Variants in BSPH1 observed in about 807,000 individuals in gnomAD.
The protein encoded by BSPH1 is binder of sperm 1.
In BSPH1, 21 loss-of-function variants were observed where a neutral mutation model predicts 22.5. That is an observed-to-expected ratio of 0.93 (90% CI 0.66 to 1.35). BSPH1 has a LOEUF of 1.35. Among genes scored for constraint, BSPH1 ranks in the 40% most tolerant of loss-of-function variants. BSPH1 has a pLI of 0.00. For synonymous variants in BSPH1, 42 were observed against 53.6 expected (o/e 0.78, Z 0.95); for missense variants, 141 against 154.2 (o/e 0.91, Z 0.45).
chr19:47,986,751 A>AAAAAT (rs141100552), intron 1 of BSPH1, among the ~76,000 whole-genome samples: 16 of 151,514 alleles, frequency 1.1e-4, no homozygotes, highest in East Asian at 1.9e-4. Context: ...TCTAAAAATA[A>AAAAAT]AATAAAATAA....
chr19:47,990,401 C>T (rs1200801597), intron 1 of BSPH1, among the ~76,000 whole-genome samples: 2 of 151,948 alleles, frequency 1.3e-5, no homozygotes, highest in Non-Finnish European at 2.9e-5. Context: ...AGCGGAGAAG[C>T]TTTAGGATCG....
At chr19:47,975,981 A>G (rs1486454798) in intron 5 of BSPH1, among the ~76,000 whole-genome samples, 1 of 152,108 alleles carries the variant, frequency 6.6e-6, no homozygotes, top group African/African-American at 2.4e-5. Flanking sequence ...AATACACGTT[A>G]TTTTTTAGAG....
chr19:47,976,824 T>C lies in BSPH1; in HGVS notation c.287A>G (p.Tyr96Cys). ...ACACTCCCAGTAGATCAAGCGTCTG[T>C]ACCAGAAGGGAAATACACAGTTTGC... The part of the protein sequence containing the change: ...DFANCVFPFW[Y>C]RRLIYWECTD... The change falls in exon 5 of 6, where the codon TAC (tyrosine) becomes TGC (cysteine). Residue 96 changes from tyrosine (Y) to cysteine (C), a missense_variant. Tyr to Cys is a radical substitution (Grantham distance 194). Transcript: ENST00000344839. 6.4e-7 allele frequency: 1 copy of C among 1,551,686 alleles called. No homozygotes were observed. Among genetic ancestry groups the C allele is most frequent in the Admixed American group, 2.0e-5 (1 of 50,992 alleles).
At chr19:47,969,409 G>C (rs1365394438) in intron 5 of BSPH1, among the ~76,000 whole-genome samples, 1 of 152,074 alleles carries the variant, frequency 6.6e-6, no homozygotes, top group Admixed American at 6.6e-5. Flanking sequence ...TGCTTTTGGG[G>C]TTTAGGAGAT....
At chr19:47,984,740 A>G (rs1184485242) in intron 1 of BSPH1, among the ~76,000 whole-genome samples, 4 of 152,100 alleles carry the variant, frequency 2.6e-5, no homozygotes, top group African/African-American at 7.2e-5. Context: ...GGCACTGGGG[A>G]TTACAAAAGT....
At chr19:47,988,311 C>T (rs1016131891) in intron 1 of BSPH1, among the ~76,000 whole-genome samples, 6 of 152,158 alleles carry the variant, frequency 3.9e-5, no homozygotes, top group Non-Finnish European at 5.9e-5. Flanking sequence ...CTGTTCTGAG[C>T]GTCACGCATG....
intron 5 of BSPH1, 97 bp from the exon 6 acceptor site, chr19:47,968,306 G>A (rs990844252): frequency 1.3e-5 from 2 of 151,714 alleles, no homozygotes; most frequent in Non-Finnish European, 2.9e-5. Context: ...ATCTGATCTG[G>A]AGTCTGTGGA....
rs1969414562 is a variant in BSPH1 at position 47,980,959 on chromosome 19, G to T, written c.74-18C>A. ...TAATTCATCTGAAAAACACAATTTT[G>T]AACAAATATTTATGTCACTTTAAAA... On this transcript the variant is annotated intron_variant, in intron 1 of 5. Transcript: ENST00000344839. 2 of 1,381,232 alleles carry T rather than the reference G, an allele frequency of 1.4e-6. No individual in the cohort carries two copies. The highest frequency in any genetic ancestry group is 9.8e-7 in the Non-Finnish European group (1 of 1,024,252). 85.6% of individuals were successfully genotyped at this position (1,381,232 alleles called of 1,614,324 possible).
intron 5 of BSPH1, among the ~76,000 whole-genome samples, chr19:47,974,421 C>T (rs1028477248): frequency 3.3e-5 from 5 of 151,934 alleles, no homozygotes; most frequent in African/African-American, 1.2e-4. Context: ...AGGTGCCGGC[C>T]ACCACGCCTG....
At chr19:47,971,002 T>C (rs1442755249) in intron 5 of BSPH1, among the ~76,000 whole-genome samples, 1 of 152,072 alleles carries the variant, frequency 6.6e-6, no homozygotes, top group Non-Finnish European at 1.5e-5. Context: ...TGCAGCAGCA[T>C]TGTGAATAGC....
chr19:47,986,532 A>G (rs2122262923), intron 1 of BSPH1, among the ~76,000 whole-genome samples: 1 of 152,208 alleles, frequency 6.6e-6, no homozygotes, highest in South Asian at 2.1e-4. Flanking sequence ...TGAACCCAGG[A>G]GTTCGAGACC....
intron 5 of BSPH1, among the ~76,000 whole-genome samples, chr19:47,974,499 A>G (rs565024712): frequency 5.3e-4 from 80 of 151,436 alleles, no homozygotes; most frequent in African/African-American, 1.9e-3. Flanking sequence ...CAAACTCCTT[A>G]CCTCAGGTGA....
intron 5 of BSPH1, among the ~76,000 whole-genome samples, chr19:47,972,323 G>A (rs1969318054): frequency 6.9e-6 from 1 of 144,302 alleles, no homozygotes; most frequent in African/African-American, 2.6e-5. Context: ...GGATACATGT[G>A]CAGGTTTATT....
chr19:47,978,019 T>TAG (rs1348707503), intron 3 of BSPH1, among the ~76,000 whole-genome samples: 4 of 145,210 alleles, frequency 2.8e-5, no homozygotes, highest in African/African-American at 1.0e-4. Flanking sequence ...TATATATATA[T>TAG]ATATATATAT....
intron 1 of BSPH1, among the ~76,000 whole-genome samples, chr19:47,989,087 CAGCAAACCTATCA>C (rs1269277520): frequency 6.6e-6 from 1 of 150,690 alleles, no homozygotes; most frequent in Non-Finnish European, 1.5e-5. Context: ...TCTGTGCATC[CAGCAAACCTATCA>C]AGTCACCGTT....
chr19:47,987,201 G>T (rs1348905994), intron 1 of BSPH1, among the ~76,000 whole-genome samples: 2 of 152,158 alleles, frequency 1.3e-5, no homozygotes, highest in African/African-American at 4.8e-5. Flanking sequence ...AGACAGTGAG[G>T]ATGAAGACGA....
intron 5 of BSPH1, among the ~76,000 whole-genome samples, chr19:47,974,269 CTT>C (rs558434334): frequency 6.6e-5 from 5 of 75,988 alleles, no homozygotes; most frequent in Admixed American, 1.5e-4. Context: ...CTCTCTCTCT[CTT>C]TTTTTTTTTT....
intron 1 of BSPH1, among the ~76,000 whole-genome samples, chr19:47,991,203 C>A (rs1269604898): frequency 6.6e-6 from 1 of 151,980 alleles, no homozygotes; most frequent in African/African-American, 2.4e-5. Context: ...CAGCGCCGAC[C>A]ACACCACCGA....
chr19:47,980,231 G>C (rs1249765874), intron 2 of BSPH1, among the ~76,000 whole-genome samples: 2 of 151,810 alleles, frequency 1.3e-5, no homozygotes, highest in South Asian at 2.1e-4. Context: ...ATTCATCCCT[G>C]AGGGAATTTT....
Sources: gnomAD v4.1 joint callset for allele counts (sites outside exome capture counted in the v4.1 genomes callset) on GRCh38, gnomAD v4.1.1 for gene constraint, MANE v1.5 for transcripts, NCBI Gene and HGNC (gene_info 2026-07-23, HGNC 2026-07-21) for gene names.